Variants in NWD2 observed in about 807,000 individuals in gnomAD.
NWD2 encodes the protein NACHT and WD repeat domain-containing protein 2.
Under a neutral mutation model 132.7 loss-of-function variants are expected in NWD2, and 37 were observed. The observed-to-expected ratio is 0.28, with a 90% CI of 0.21 to 0.37. The LOEUF is 0.37. NWD2 is among the 10% of genes least tolerant of loss of function. The pLI, the probability that NWD2 is intolerant of heterozygous loss-of-function variation, is 1.00. For missense variants in NWD2, 1,592 were observed against 2,122.4 expected, an observed-to-expected ratio of 0.75 and a Z score of 4.91; for synonymous variants, 705 against 803.0, an observed-to-expected ratio of 0.88 and a Z score of 2.06.
chr4:37,372,345 G>A (rs1186113061), intron 3 of NWD2, among the ~76,000 whole-genome samples: 1 of 152,022 alleles, frequency 6.6e-6, no homozygotes, highest in Non-Finnish European at 1.5e-5. Context: ...TATAACCATG[G>A]TACAAATGAG....
intron 2 of NWD2, among the ~76,000 whole-genome samples, chr4:37,352,228 A>G (rs918622043): frequency 1.3e-5 from 2 of 152,160 alleles, no homozygotes; most frequent in African/African-American, 4.8e-5. Context: ...AGTCCTGAAT[A>G]TCCTTGTTAA....
intron 3 of NWD2, among the ~76,000 whole-genome samples, chr4:37,360,475 T>C (rs979409693): frequency 6.6e-6 from 1 of 152,230 alleles, no homozygotes; most frequent in Non-Finnish European, 1.5e-5. Context: ...GGTACATATA[T>C]ATTTTGTTTT....
chr4:37,259,798 G>C (rs1717592051), intron 1 of NWD2, among the ~76,000 whole-genome samples: 1 of 152,192 alleles, frequency 6.6e-6, no homozygotes, highest in Non-Finnish European at 1.5e-5. Flanking sequence ...TTCTACCGTA[G>C]TGCCAGGAGA....
intron 1 of NWD2, among the ~76,000 whole-genome samples, chr4:37,324,107 A>G (rs145484933): frequency 9.0e-4 from 137 of 152,224 alleles, no homozygotes; most frequent in Non-Finnish European, 3.1e-4. Flanking sequence ...ACCTGGATGC[A>G]GTATACCCAG....
intron 3 of NWD2, among the ~76,000 whole-genome samples, chr4:37,422,373 T>C (rs908480039): frequency 1.3e-5 from 2 of 152,212 alleles, no homozygotes; most frequent in African/African-American, 2.4e-5. Context: ...AGCATAATTA[T>C]TTTAAAGCTC....
intron 3 of NWD2, among the ~76,000 whole-genome samples, chr4:37,384,638 T>A (rs150909789): frequency 6.6e-6 from 1 of 152,196 alleles, no homozygotes; most frequent in Non-Finnish European, 1.5e-5. Flanking sequence ...CACATGGAGC[T>A]CAGCTATGTC....
intron 3 of NWD2, among the ~76,000 whole-genome samples, chr4:37,382,489 A>G (rs1412012612): frequency 6.6e-6 from 1 of 152,034 alleles, no homozygotes; most frequent in Non-Finnish European, 1.5e-5. Flanking sequence ...AAATTTCGAC[A>G]TTTGGAATGG....
intron 1 of NWD2, among the ~76,000 whole-genome samples, chr4:37,276,015 A>T (rs961298185): frequency 2.0e-5 from 3 of 152,172 alleles, no homozygotes; most frequent in African/African-American, 7.2e-5. Flanking sequence ...AACATAGGCA[A>T]TACCATTCAG....
At chr4:37,379,221 T>C (rs1375589960) in intron 3 of NWD2, among the ~76,000 whole-genome samples, 1 of 152,192 alleles carries the variant, frequency 6.6e-6, no homozygotes, top group African/African-American at 2.4e-5. Flanking sequence ...ACAGGAAGAA[T>C]TGTGATGGTC....
At chr4:37,327,814 A>G (rs1719203978) in intron 2 of NWD2, among the ~76,000 whole-genome samples, 1 of 152,096 alleles carries the variant, frequency 6.6e-6, no homozygotes, top group Non-Finnish European at 1.5e-5. Context: ...ATGATGCCAG[A>G]AGCTTCATGA....
intron 1 of NWD2, among the ~76,000 whole-genome samples, chr4:37,292,108 A>G (rs144112842): frequency 1.3e-3 from 198 of 152,122 alleles, no homozygotes; most frequent in Admixed American, 2.6e-3. Context: ...GCCTCAGTAC[A>G]TTTCTCCCCT....
chr4:37,330,495 G>T (rs938820858), intron 2 of NWD2, among the ~76,000 whole-genome samples: 9 of 152,144 alleles, frequency 5.9e-5, no homozygotes, highest in African/African-American at 2.2e-4. Flanking sequence ...AATAAATAAA[G>T]AGCTTGTGAT....
rs1038363281 is a variant in NWD2, at chr4:37,384,072, G to A, written c.357+27590G>A. Among the ~76,000 whole-genome samples, 7 of 151,996 alleles carry A rather than the reference G, an allele frequency of 4.6e-5. No individual in the cohort carries two copies. The East Asian group carries it at 1.2e-3, about 25-fold the overall frequency. On this transcript the variant is annotated intron_variant, in intron 3 of 6. Coordinates refer to ENST00000309447, the MANE Select transcript of NWD2 (RefSeq NM_001144990.2). ...TACCAACCCATCACCTAGGTATTAAGCCTCACATGCATTAGCTGTTTATCC... is the reference window on the plus strand; with the variant it reads ...TACCAACCCATCACCTAGGTATTAAACCTCACATGCATTAGCTGTTTATCC...
At chr4:37,377,455 G>C (rs1430613397) in intron 3 of NWD2, among the ~76,000 whole-genome samples, 1 of 152,162 alleles carries the variant, frequency 6.6e-6, no homozygotes, top group Non-Finnish European at 1.5e-5. Context: ...CAGGAGACTG[G>C]GCGTGGTGGC....
At chr4:37,279,067 A>C (rs1038145391) in intron 1 of NWD2, among the ~76,000 whole-genome samples, 2 of 151,830 alleles carry the variant, frequency 1.3e-5, no homozygotes, top group African/African-American at 4.9e-5. Context: ...AGGTTGATTA[A>C]AAAAAACACA....
intron 3 of NWD2, among the ~76,000 whole-genome samples, chr4:37,407,312 G>A (rs1721063945): frequency 1.3e-5 from 2 of 149,594 alleles, no homozygotes; most frequent in Admixed American, 6.6e-5. Flanking sequence ...ATGACAACAG[G>A]AGGAGTGGCA....
At chr4:37,270,772 C>A (rs913427570) in intron 1 of NWD2, among the ~76,000 whole-genome samples, 1 of 151,598 alleles carries the variant, frequency 6.6e-6, no homozygotes, top group Non-Finnish European at 1.5e-5. Flanking sequence ...ATTTTGGTGA[C>A]AAATTTATCA....
intron 3 of NWD2, among the ~76,000 whole-genome samples, chr4:37,396,337 G>A (rs1577689795): frequency 6.6e-6 from 1 of 152,282 alleles, no homozygotes; most frequent in East Asian, 1.9e-4. Flanking sequence ...CCTGTTGGAT[G>A]AAGTCCCTTT....
intron 1 of NWD2, among the ~76,000 whole-genome samples, chr4:37,298,327 T>C (rs1238164324): frequency 2.0e-5 from 3 of 152,172 alleles, no homozygotes; most frequent in Non-Finnish European, 4.4e-5. Context: ...TCTGTTTGAT[T>C]ATGGAGTGGC....
Sources: allele counts gnomAD v4.1 joint callset (sites outside exome capture counted in the v4.1 genomes callset), GRCh38; gene constraint gnomAD v4.1.1; transcripts MANE v1.5; gene names NCBI Gene and HGNC (gene_info 2026-07-23, HGNC 2026-07-21).